Variants in ESRRG observed in about 807,000 individuals in gnomAD.
ESRRG encodes the protein estrogen related receptor gamma, also known as estrogen-related receptor gamma.
Under a neutral mutation model 44.0 loss-of-function variants are expected in ESRRG, and 13 were observed. The observed-to-expected ratio is 0.30, with a 90% CI of 0.19 to 0.47. The LOEUF is 0.47. Among genes scored for constraint, ESRRG ranks in the 20% least tolerant of loss-of-function variants. The pLI, the probability that ESRRG is intolerant of heterozygous loss-of-function variation, is 1.00. For missense variants in ESRRG, 395 were observed against 580.6 expected, an observed-to-expected ratio of 0.68 and a Z score of 3.29; for synonymous variants, 215 against 214.6, an observed-to-expected ratio of 1.00 and a Z score of -0.02.
chr1:216,566,995 G>A (rs187704755), intron 4 of ESRRG, among the ~76,000 whole-genome samples: 1 of 152,226 alleles, frequency 6.6e-6, no homozygotes, highest in East Asian at 1.9e-4. Context: ...ATGCACAGCA[G>A]TGACCCCTCC....
chr1:216,552,751 C>A (rs557019025), intron 5 of ESRRG, among the ~76,000 whole-genome samples: 1 of 152,096 alleles, frequency 6.6e-6, no homozygotes, highest in African/African-American at 2.4e-5. Context: ...GCTCTATCAT[C>A]CCAGAATCGA....
intron 2 of ESRRG, among the ~76,000 whole-genome samples, chr1:216,797,644 T>C (rs1325350755): frequency 6.6e-6 from 1 of 152,176 alleles, no homozygotes; most frequent in African/African-American, 2.4e-5. Flanking sequence ...AACTGAGATT[T>C]GCCTGATGTT....
rs559270178 is a variant in ESRRG, at chr1:216,934,172, G to T, written c.-14+5410C>A. On this transcript the variant is annotated intron_variant, in intron 2 of 7. Coordinates refer to the ESRRG transcript ENST00000359162. ...CCAGAGGCTGGGGGTGGTGGCTCACGCCTGTAATTCCAGCACTTTAGGAGG... is the reference window on the plus strand; with the variant it reads ...CCAGAGGCTGGGGGTGGTGGCTCACTCCTGTAATTCCAGCACTTTAGGAGG... Among the ~76,000 whole-genome samples, 157 of 152,242 alleles carry T rather than the reference G, an allele frequency of 1.0e-3. 5 individuals carry two copies. In the South Asian group the frequency reaches 0.032, roughly 31 times the overall value.
At chr1:217,104,814 T>A (rs1440295112) in intron 1 of ESRRG, among the ~76,000 whole-genome samples, 1 of 152,204 alleles carries the variant, frequency 6.6e-6, no homozygotes, top group East Asian at 1.9e-4. Flanking sequence ...GTATCCAATA[T>A]TTTTTAATTG....
intron 5 of ESRRG, among the ~76,000 whole-genome samples, chr1:216,548,664 T>G (rs1341124787): frequency 6.6e-6 from 1 of 152,068 alleles, no homozygotes; most frequent in African/African-American, 2.4e-5. Flanking sequence ...TTCCAAATGT[T>G]AGAGTTTCCA....
chr1:217,015,164 T>C (rs184009081), intron 1 of ESRRG, among the ~76,000 whole-genome samples: 1 of 152,160 alleles, frequency 6.6e-6, no homozygotes, highest in Non-Finnish European at 1.5e-5. Flanking sequence ...CAGAACCCCA[T>C]ATAGGTTAGC....
At chr1:216,739,380 A>T (rs992039535) in intron 2 of ESRRG, among the ~76,000 whole-genome samples, 1 of 152,206 alleles carries the variant, frequency 6.6e-6, no homozygotes, top group African/African-American at 2.4e-5. Flanking sequence ...ACTCCTACAC[A>T]TAAACTATCT....
Position 216,507,162 on chromosome 1 carries a change from A to T in ESRRG, c.1154T>A (p.Val385Asp). The change falls in exon 7 of 7, where the codon GTT (valine) becomes GAT (aspartate). Residue 385 changes from valine (V) to aspartate (D), a missense_variant. Val to Asp is a radical substitution (Grantham distance 152, BLOSUM62 -3). Coordinates refer to ENST00000408911, the MANE Select transcript of ESRRG (RefSeq NM_001438.4). ...ATCCTGAAGCTTCTGAACGGCTTCA[A>T]CATCTTCTATGTGCATGGAGTCTGT... ...ANSDSMHIED[V>D]EAVQKLQDVL... The T allele has an allele frequency of 6.2e-7, 1 of 1,611,904 alleles. No individual in the cohort carries two copies. Among genetic ancestry groups the T allele is most frequent in the Middle Eastern group, 1.9e-4 (1 of 5,316 alleles).
intron 5 of ESRRG, among the ~76,000 whole-genome samples, chr1:216,527,890 C>T (rs775604311): frequency 4.6e-5 from 7 of 152,082 alleles, no homozygotes; most frequent in Non-Finnish European, 8.8e-5. Flanking sequence ...AGATCTGCTG[C>T]TTGATAGATG....
intron 2 of ESRRG, among the ~76,000 whole-genome samples, chr1:216,753,386 T>C (rs909198887): frequency 1.3e-5 from 2 of 152,032 alleles, no homozygotes; most frequent in South Asian, 2.1e-4. Context: ...ACTTTTCTTA[T>C]CAAAGAAGGT....
intron 1 of ESRRG, among the ~76,000 whole-genome samples, chr1:216,700,599 A>C (rs1559301276): frequency 6.6e-6 from 1 of 152,206 alleles, no homozygotes; most frequent in African/African-American, 2.4e-5. Context: ...CATCAGAGCC[A>C]GATAGTACTG....
chr1:217,052,013 C>T (rs370827338), intron 1 of ESRRG, among the ~76,000 whole-genome samples: 1 of 152,134 alleles, frequency 6.6e-6, no homozygotes, highest in Non-Finnish European at 1.5e-5. Context: ...TCAAGCAATC[C>T]TCCCACCTCA....
At chr1:217,136,465 C>T (rs2093051632) in intron 1 of ESRRG, among the ~76,000 whole-genome samples, 1 of 152,180 alleles carries the variant, frequency 6.6e-6, no homozygotes. Flanking sequence ...GCACCCGGGT[C>T]ACGTCATCGC....
intron 2 of ESRRG, chr1:216,805,122 G>A (rs1320726424): frequency 6.6e-6 from 1 of 152,156 alleles, no homozygotes; most frequent in Admixed American, 6.6e-5. Context: ...GAGATGTGGT[G>A]GCAGTAAGTA....
rs747525606 is a variant in ESRRG at position 216,677,248 on chromosome 1, C to T, written c.300G>A (p.Leu100=). ...CAATGGTGCTGGAGCAGTCATCATACAGTTTCCTGACAGGCCCACTACCTC... is the reference window on the plus strand; with the variant it reads ...CAATGGTGCTGGAGCAGTCATCATATAGTTTCCTGACAGGCCCACTACCTC... ...ILGGSGPVRK[L]YDDCSSTIVE... The change falls in exon 2 of 7, where the codon CTG becomes CTA. Residue 100 remains leucine (L), a synonymous_variant. Coordinates refer to ENST00000408911, the MANE Select transcript of ESRRG (RefSeq NM_001438.4). 4 of 1,614,008 alleles carry T rather than the reference C, an allele frequency of 2.5e-6. No individual in the cohort carries two copies. The highest frequency in any genetic ancestry group is 3.4e-6 in the Non-Finnish European group (4 of 1,180,040).
chr1:216,800,045 A>G (rs978084393), intron 2 of ESRRG, among the ~76,000 whole-genome samples: 9 of 152,216 alleles, frequency 5.9e-5, no homozygotes, highest in Non-Finnish European at 1.2e-4. Context: ...GCTAAAACAA[A>G]GAAAAGAAAC....
At chr1:216,561,911 C>T (rs1320075920) in intron 5 of ESRRG, among the ~76,000 whole-genome samples, 2 of 152,122 alleles carry the variant, frequency 1.3e-5, no homozygotes, top group East Asian at 3.9e-4. Context: ...TAAGACTGAA[C>T]CCATAATCGT....
chr1:216,553,146 G>C (rs1469702604), intron 5 of ESRRG, among the ~76,000 whole-genome samples: 1 of 151,792 alleles, frequency 6.6e-6, no homozygotes, highest in Non-Finnish European at 1.5e-5. Flanking sequence ...ATGTCAGGAA[G>C]AGTTAGTTTC....
In ESRRG at chr1:216,683,588, T is replaced by A. The variant is rs547808850; in HGVS notation, c.57-6097A>T. On this transcript the variant is annotated intron_variant, in intron 1 of 6. Coordinates refer to ENST00000408911, the MANE Select transcript of ESRRG (RefSeq NM_001438.4). ...ATGTGGGGACATAGAGCCAGCCCCC[T>A]ATAAAGAAAAATCAGAGCTGAAAGC... Among the ~76,000 whole-genome samples the A allele has an allele frequency of 1.1e-4, 17 of 152,276 alleles. No individual in the cohort carries two copies. In the South Asian group the frequency reaches 3.5e-3, roughly 32 times the overall value.
Sources: gnomAD v4.1 joint callset for allele counts (sites outside exome capture counted in the v4.1 genomes callset) on GRCh38, gnomAD v4.1.1 for gene constraint, MANE v1.5 for transcripts, NCBI Gene and HGNC (gene_info 2026-07-23, HGNC 2026-07-21) for gene names.